The following ABCA10 variants were observed in gnomAD, a reference collection of about 807,000 sequenced individuals.
The protein encoded by ABCA10 is ATP binding cassette subfamily A member 10, also known as ATP-binding cassette sub-family A member 10.
Under a neutral mutation model 187.5 loss-of-function variants are expected in ABCA10, and 169 were observed. The observed-to-expected ratio is 0.90, with a 90% confidence interval of 0.80 to 1.02. ABCA10 has a LOEUF of 1.02. Ranked by LOEUF, ABCA10 falls within the 50% of genes least tolerant of loss-of-function variation. The probability of loss-of-function intolerance (pLI) is 0.00; values close to 1 mark genes in which losing one functional copy is unlikely to be tolerated. For missense variants in ABCA10, 1,727 were observed against 1,812.4 expected (o/e 0.95, Z 0.86); for synonymous variants, 574 against 601.8 (o/e 0.95, Z 0.68).
chr17:69,196,637 G>C (rs975602569), intron 11 of ABCA10, among the ~76,000 whole-genome samples: 1 of 152,328 alleles, frequency 6.6e-6, no homozygotes, highest in African/African-American at 2.4e-5. Flanking sequence ...CTGCAATCTC[G>C]GCACTTTGGG....
In ABCA10 at chr17:69,214,690, C is replaced by T; in HGVS notation, c.1006+14G>A. 6.8e-7 allele frequency: 1 copy of T among 1,461,486 alleles called. No homozygotes were observed. Among genetic ancestry groups the T allele is most frequent in the Non-Finnish European group, 9.1e-7 (1 of 1,103,466 alleles). The allele number at this position is 1,461,486 out of a possible 1,614,324, so 90.5% of individuals were successfully genotyped here. A position where few individuals can be genotyped will look rare whatever the true frequency, so the allele number is the denominator to read the frequency against. On this transcript the variant is annotated intron_variant, in intron 9 of 38. Transcript: ENST00000690296. ...ATTGCTTTAAATTTAACTTTAACCA[C>T]ACTATTAACTTACCAGGTAAAACTC...
Position 69,185,629 on chromosome 17 carries a change from C to A in ABCA10, c.2345G>T (p.Gly782Val). Residue 782 changes from glycine (G) to valine (V), a missense_variant, in exon 20 of 39, where the codon GGA (glycine) becomes GTA (valine). Transcript: ENST00000690296. ...TAGAATGATGGGGATAAAAGCAATT[C>A]CAAGTACTAGTAACCTAAGTAAAAC... The part of the protein sequence containing the change: ...RALLCLLLVL[G>V]IAFIPIILEK... 6.2e-7 allele frequency: 1 copy of A among 1,604,312 alleles called. No individual in the cohort carries two copies. Among genetic ancestry groups the A allele is most frequent in the South Asian group, 1.1e-5 (1 of 89,860 alleles).
intron 9 of ABCA10, among the ~76,000 whole-genome samples, chr17:69,206,750 C>G (rs1411500107): frequency 1.3e-5 from 2 of 152,058 alleles, no homozygotes; most frequent in African/African-American, 4.8e-5. Flanking sequence ...TGAGGAACAT[C>G]TGTACAAAAA....
chr17:69,153,660 A>G, intron 32 of ABCA10, 114 bp from the exon 33 acceptor site: 1 of 1,464,200 alleles, frequency 6.8e-7, no homozygotes, highest in Non-Finnish European at 9.2e-7. Flanking sequence ...AGCTTCCTTA[A>G]CGTTTTCATA....
Position 69,219,542 on chromosome 17 carries a change from T to C in ABCA10, c.530+3A>G. The stretch of plus-strand genomic sequence containing the variant: ...TATACAGTAAAGTAGCAACTTAACT[T>C]ACCAGAATGCTGACTCTCGGAGACC... On this transcript the variant is annotated splice_donor_region_variant and intron_variant, in intron 6 of 38. Coordinates refer to ENST00000690296, the MANE Select transcript of ABCA10 (RefSeq NM_001377321.1). 1 of 1,552,168 alleles carries C rather than the reference T, an allele frequency of 6.4e-7. No individual in the cohort carries two copies. Among genetic ancestry groups the C allele is most frequent in the Non-Finnish European group, 8.7e-7 (1 of 1,148,636 alleles).
intron 25 of ABCA10, among the ~76,000 whole-genome samples, chr17:69,165,546 A>C (rs1263807868): frequency 1.3e-5 from 2 of 152,162 alleles, no homozygotes; most frequent in Non-Finnish European, 2.9e-5. Context: ...GGAATATTGA[A>C]CAGTTTAGAA....
In ABCA10 at chr17:69,156,063, C is replaced by A. The variant is rs2074172149; in HGVS notation, c.3456-138G>T. ...TTAATTTATTACCTACAAGATTCTT[C>A]TTGGCAGTAATAACACCTCCGGTAG... On this transcript the variant is annotated intron_variant, in intron 28 of 38. Transcript: ENST00000690296. The A allele has an allele frequency of 1.8e-5, 19 of 1,066,708 alleles. No individual in the cohort carries two copies. The South Asian group carries it at 3.7e-4, about 21-fold the overall frequency. The allele number at this position is 1,066,708 out of a possible 1,614,324, so 66.1% of individuals were successfully genotyped here.
At chr17:69,217,174 G>A (rs2074712722) in intron 6 of ABCA10, among the ~76,000 whole-genome samples, 1 of 151,750 alleles carries the variant, frequency 6.6e-6, no homozygotes, top group East Asian at 1.9e-4. Flanking sequence ...TTGAACCCCA[G>A]AAGTGGAGGT....
chr17:69,193,073 T>G, intron 15 of ABCA10, 37 bp downstream of exon 15: 1 of 1,558,604 alleles, frequency 6.4e-7, no homozygotes, highest in African/African-American at 1.4e-5. Context: ...TGTTAAATCC[T>G]TAAATAACTA....
At chr17:69,223,937 T>G (rs994200607) in intron 3 of ABCA10, among the ~76,000 whole-genome samples, 1 of 152,072 alleles carries the variant, frequency 6.6e-6, no homozygotes, top group Non-Finnish European at 1.5e-5. Flanking sequence ...GGAAGAATAG[T>G]CCCTGAGGCT....
intron 32 of ABCA10, 116 bp from the exon 33 acceptor site, chr17:69,153,662 G>T: frequency 1.4e-6 from 2 of 1,458,312 alleles, no homozygotes; most frequent in East Asian, 4.6e-5. Context: ...CTTCCTTAAC[G>T]TTTTCATAAA....
At position 69,193,257 on chromosome 17, in the gene ABCA10, G is replaced by A. The variant is rs2074474690; in HGVS notation, c.1642-9C>T. 1.9e-6 allele frequency: 3 copies of A among 1,608,446 alleles called. No individual in the cohort carries two copies. Among genetic ancestry groups the A allele is most frequent in the Non-Finnish European group, 1.7e-6 (2 of 1,178,556 alleles). ...TCATCTAGCAGCAAAACCTACAGAG[G>A]AGGAAACGTATGAAAGCATCTTCCT... On this transcript the variant is annotated splice_polypyrimidine_tract_variant and intron_variant, in intron 14 of 38. Coordinates refer to ENST00000690296, the MANE Select transcript of ABCA10 (RefSeq NM_001377321.1).
chr17:69,242,386 T>A (rs1447688860), intron 1 of ABCA10, among the ~76,000 whole-genome samples: 1 of 152,202 alleles, frequency 6.6e-6, no homozygotes, highest in Admixed American at 6.5e-5. Context: ...ACTATAGTAT[T>A]ATGGTTAATT....
chr17:69,188,105 C>G (rs2074435809), intron 18 of ABCA10, among the ~76,000 whole-genome samples: 1 of 152,278 alleles, frequency 6.6e-6, no homozygotes, highest in African/African-American at 2.4e-5. Context: ...GGCTTCCTAA[C>G]AAGCATTTAT....
intron 25 of ABCA10, among the ~76,000 whole-genome samples, chr17:69,170,359 C>T (rs2074288394): frequency 6.7e-6 from 1 of 149,008 alleles, no homozygotes; most frequent in South Asian, 2.1e-4. Flanking sequence ...CTTTGACCAT[C>T]TTGCTTCTTT....
rs1406756139 is a variant in ABCA10, at chr17:69,150,015, A to G, written c.4446T>C (p.Pro1482=). Residue 1482 remains proline, a synonymous_variant, in exon 37 of 39, where the codon CCT becomes CCC. Transcript: ENST00000690296. ...CTAACTTGAAAAAGGCCCGAGATAGAGGGTGGACATCCTCCACAGGTAACT... is the reference window on the plus strand; with the variant it reads ...CTAACTTGAAAAAGGCCCGAGATAGGGGGTGGACATCCTCCACAGGTAACT... ...AYKLPVEDVH[P]LSRAFFKLEA... 6.2e-7 allele frequency: 1 copy of G among 1,613,090 alleles called. No homozygotes were observed. Among genetic ancestry groups the G allele is most frequent in the Non-Finnish European group, 8.5e-7 (1 of 1,179,428 alleles).
chr17:69,204,602 A>G (rs188121851), intron 9 of ABCA10, among the ~76,000 whole-genome samples: 3 of 152,326 alleles, frequency 2.0e-5, no homozygotes, highest in Non-Finnish European at 2.9e-5. Context: ...ACCAATTTAC[A>G]TAAGTATTTC....
At chr17:69,184,863 G>A (rs1245900056) in intron 20 of ABCA10, among the ~76,000 whole-genome samples, 7 of 140,384 alleles carry the variant, frequency 5.0e-5, no homozygotes, top group Non-Finnish European at 1.1e-4. Flanking sequence ...GTGTGTGTGT[G>A]TGTGTGTGTA....
At chr17:69,151,881 T>C (rs1016650369) in intron 36 of ABCA10, among the ~76,000 whole-genome samples, 162 bp downstream of exon 36, 2 of 152,180 alleles carry the variant, frequency 1.3e-5, no homozygotes, top group African/African-American at 4.8e-5. Context: ...TGAAAATAAC[T>C]GTTTAGTTTT....
Sources: gnomAD v4.1 joint callset for allele counts (sites outside exome capture counted in the v4.1 genomes callset) on GRCh38, gnomAD v4.1.1 for gene constraint, MANE v1.5 for transcripts, NCBI Gene and HGNC (gene_info 2026-07-23, HGNC 2026-07-21) for gene names.